Variants in EPHA6 observed in about 807,000 individuals in gnomAD.
EPHA6 encodes EPH receptor A6.
In EPHA6, 50 loss-of-function variants were observed where a neutral mutation model predicts 112.0. The observed-to-expected ratio is 0.45, with a 90% CI of 0.36 to 0.56. EPHA6 has a LOEUF of 0.56. EPHA6 is among the 20% of genes least tolerant of loss of function. The pLI is 0.00. For missense variants in EPHA6, 1,280 were observed against 1,417.4 expected (o/e 0.90, Z 1.56); for synonymous variants, 529 against 490.7 (o/e 1.08, Z -1.03).
intron 5 of EPHA6, among the ~76,000 whole-genome samples, chr3:97,320,826 AAAAAAT>A (rs2082082035): frequency 2.1e-5 from 3 of 141,260 alleles, no homozygotes; most frequent in Admixed American, 6.8e-5. Context: ...CAAAAAATAA[AAAAAAT>A]AAAAAAAAAG....
intron 2 of EPHA6, among the ~76,000 whole-genome samples, chr3:96,983,490 T>C (rs912943138): frequency 6.6e-6 from 1 of 152,216 alleles, no homozygotes; most frequent in African/African-American, 2.4e-5. Context: ...TTAACATTTT[T>C]TCCTCCATTT....
intron 2 of EPHA6, among the ~76,000 whole-genome samples, chr3:96,886,516 A>G (rs1312086425): frequency 6.6e-6 from 1 of 152,102 alleles, no homozygotes; most frequent in African/African-American, 2.4e-5. Flanking sequence ...TCTGGTGGCT[A>G]TTTGTATGAA....
At chr3:97,121,574 T>G (rs2048041932) in intron 3 of EPHA6, among the ~76,000 whole-genome samples, 1 of 152,092 alleles carries the variant, frequency 6.6e-6, no homozygotes, top group South Asian at 2.1e-4. Flanking sequence ...ACAAAACCAC[T>G]TGTCCACTTG....
chr3:97,496,389 A>G (rs2091979045), intron 10 of EPHA6, among the ~76,000 whole-genome samples: 1 of 152,190 alleles, frequency 6.6e-6, no homozygotes, highest in African/African-American at 2.4e-5. Context: ...TCACAAACCT[A>G]TAAATCACAA....
At chr3:97,573,255 A>G (rs754631262) in intron 11 of EPHA6, among the ~76,000 whole-genome samples, 10 of 152,316 alleles carry the variant, frequency 6.6e-5, no homozygotes, top group Non-Finnish European at 1.2e-4. Context: ...TTATTTGTGT[A>G]CAAAGAGTTC....
At chr3:97,299,538 A>T (rs116484043) in intron 5 of EPHA6, among the ~76,000 whole-genome samples, 3,023 of 152,200 alleles carry the variant, frequency 0.02, 86 homozygotes, top group African/African-American at 0.065. Context: ...ATTTGAGAGG[A>T]ATAGATGAGT....
intron 5 of EPHA6, among the ~76,000 whole-genome samples, chr3:97,400,994 T>C (rs1208441886): frequency 6.6e-6 from 1 of 151,680 alleles, no homozygotes; most frequent in Non-Finnish European, 1.5e-5. Context: ...TGGTATTATT[T>C]CAGTTCTTAA....
At chr3:97,280,892 T>G (rs2080262480) in intron 5 of EPHA6, among the ~76,000 whole-genome samples, 2 of 152,186 alleles carry the variant, frequency 1.3e-5, no homozygotes, top group African/African-American at 4.8e-5. Flanking sequence ...AATTTGACTC[T>G]GTATCCCCAT....
intron 5 of EPHA6, among the ~76,000 whole-genome samples, chr3:97,265,927 G>T (rs1390025033): frequency 1.3e-5 from 2 of 152,222 alleles, no homozygotes; most frequent in Admixed American, 1.3e-4. Flanking sequence ...CAGGCATTGG[G>T]CTTGATTTGT....
chr3:97,699,249 G>A (rs1233663472), intron 14 of EPHA6, among the ~76,000 whole-genome samples: 1 of 152,078 alleles, frequency 6.6e-6, no homozygotes, highest in Non-Finnish European at 1.5e-5. Context: ...AAAGAATATA[G>A]GACAGGTATA....
At chr3:97,164,055 C>G (rs2076480248) in intron 3 of EPHA6, among the ~76,000 whole-genome samples, 1 of 152,168 alleles carries the variant, frequency 6.6e-6, no homozygotes, top group South Asian at 2.1e-4. Flanking sequence ...AATTCTTGAG[C>G]TTTTCTTTCT....
chr3:97,645,181 C>T (rs1576186580), intron 14 of EPHA6, among the ~76,000 whole-genome samples: 1 of 151,602 alleles, frequency 6.6e-6, no homozygotes, highest in East Asian at 1.9e-4. Context: ...ACCCAAAGGA[C>T]TATAAATCAT....
intron 1 of EPHA6, among the ~76,000 whole-genome samples, chr3:96,864,756 C>A (rs2036209648): frequency 1.3e-5 from 2 of 151,930 alleles, no homozygotes; most frequent in South Asian, 2.1e-4. Context: ...AAAAAAAACA[C>A]TTAAACAGGA....
Position 97,336,717 on chromosome 3 carries a change from A to G in EPHA6, c.1607-68433A>G, listed in dbSNP as rs191752913. Among the ~76,000 whole-genome samples, 3 of 152,242 alleles carry G rather than the reference A, an allele frequency of 2.0e-5. No individual in the cohort carries two copies. In the East Asian group the frequency reaches 5.8e-4, roughly 29 times the overall value. On this transcript the variant is annotated intron_variant, in intron 5 of 17. Transcript: ENST00000389672. Reference sequence around the variant, plus strand: ...AATGAGATCCAGGAATCATAATTCTATTGCATTTTTACAAAACTTGTCTGA... The same window carrying G: ...AATGAGATCCAGGAATCATAATTCTGTTGCATTTTTACAAAACTTGTCTGA...
At chr3:97,125,278 A>G (rs2048152772) in intron 3 of EPHA6, among the ~76,000 whole-genome samples, 1 of 152,210 alleles carries the variant, frequency 6.6e-6, no homozygotes, top group Non-Finnish European at 1.5e-5. Flanking sequence ...TAGGATATAT[A>G]TTGAAACACA....
chr3:97,383,061 C>T (rs1010810510), intron 5 of EPHA6, among the ~76,000 whole-genome samples: 2 of 152,024 alleles, frequency 1.3e-5, no homozygotes, highest in African/African-American at 4.8e-5. Context: ...AGGATACCAC[C>T]GATGCATTTA....
At position 97,066,196 on chromosome 3, in the gene EPHA6, G is replaced by C. The variant is rs139942175; in HGVS notation, c.1114+78203G>C. 4.3e-3 allele frequency among the ~76,000 whole-genome samples: 656 copies of C among 152,000 alleles called. 9 individuals carry two copies. Among genetic ancestry groups the C allele is most frequent in the African/African-American group, 0.014 (591 of 41,482 alleles). On this transcript the variant is annotated intron_variant, in intron 3 of 17. Transcript: ENST00000389672. ...ATCTTGGTAATTTGTTTTGAATTAAGAGTGTTTCTTCTACCATAGGCCTGA... is the reference window on the plus strand; with the variant it reads ...ATCTTGGTAATTTGTTTTGAATTAACAGTGTTTCTTCTACCATAGGCCTGA...
chr3:96,977,962 C>T (rs540582681), intron 2 of EPHA6, among the ~76,000 whole-genome samples: 2 of 152,180 alleles, frequency 1.3e-5, no homozygotes, highest in African/African-American at 4.8e-5. Context: ...AGTTTGAGAC[C>T]AGCCTGGGCA....
At chr3:96,821,587 C>T (rs62262902) in intron 1 of EPHA6, among the ~76,000 whole-genome samples, 6,899 of 151,626 alleles carry the variant, frequency 0.046, 201 homozygotes, top group Middle Eastern at 0.076. Flanking sequence ...CTTTTTTCTC[C>T]CAGAATATAT....
Sources: gnomAD v4.1 joint callset for allele counts (sites outside exome capture counted in the v4.1 genomes callset) on GRCh38, gnomAD v4.1.1 for gene constraint, MANE v1.5 for transcripts, NCBI Gene and HGNC (gene_info 2026-07-23, HGNC 2026-07-21) for gene names.